Variants in CELF2 observed in about 807,000 individuals in gnomAD.
CELF2 encodes CUG triplet repeat RNA-binding protein 2.
In CELF2, 8 loss-of-function variants were observed where a neutral mutation model predicts 62.6. The observed-to-expected ratio is 0.13, with a 90% CI of 0.07 to 0.23. The LOEUF is 0.23. Among genes scored for constraint, CELF2 ranks in the 10% least tolerant of loss-of-function variants. The pLI, the probability that CELF2 is intolerant of heterozygous loss-of-function variation, is 1.00. For missense variants in CELF2, 333 were observed against 671.0 expected, an observed-to-expected ratio of 0.50 and a Z score of 5.56; for synonymous variants, 258 against 250.0, an observed-to-expected ratio of 1.03 and a Z score of -0.30.
intron 1 of CELF2, among the ~76,000 whole-genome samples, chr10:10,906,933 G>T (rs540051053): frequency 6.6e-6 from 1 of 151,712 alleles, no homozygotes; most frequent in African/African-American, 2.4e-5. Context: ...TGGCCAGGAT[G>T]GTCTCAATCT....
rs140289047 is a variant in CELF2, at chr10:11,206,931, G to T, written c.272-10494G>T. 9.6e-3 allele frequency among the ~76,000 whole-genome samples: 1,456 copies of T among 152,340 alleles called. 20 individuals are homozygous for T. The highest frequency in any genetic ancestry group is 0.024 in the Middle Eastern group (7 of 294). Reference sequence around the variant, plus strand: ...CTTTCTGATGCTCAGAGCAGGGTGGGAGAGTTCGTGAAACAGCTGAACACG... The same window carrying T: ...CTTTCTGATGCTCAGAGCAGGGTGGTAGAGTTCGTGAAACAGCTGAACACG... On this transcript the variant is annotated intron_variant, in intron 2 of 12. Coordinates refer to ENST00000633077, the MANE Select transcript of CELF2 (RefSeq NM_001326342.2).
rs117289531 is a variant in CELF2 at position 11,315,123 on chromosome 10, G to T, written c.1096+865G>T. ...TAAGTCGTGTTTTAGATTCATGCTC[G>T]GTGTGGGTTCCTGTACTGAGGAAAC... On this transcript the variant is annotated intron_variant, in intron 10 of 12. Transcript: ENST00000633077. The surrounding 1 kb of genome is among the most constrained non-coding windows in gnomAD (Gnocchi z 5.8). Among the ~76,000 whole-genome samples, 2 of 152,146 alleles carry T rather than the reference G, an allele frequency of 1.3e-5. No individual in the cohort carries two copies. Among genetic ancestry groups the T allele is most frequent in the African/African-American group, 2.4e-5 (1 of 41,426 alleles).
chr10:11,264,576 G>A (rs1423616942), intron 5 of CELF2, among the ~76,000 whole-genome samples: 1 of 152,188 alleles, frequency 6.6e-6, no homozygotes. Context: ...ATCTCTTAGT[G>A]TTATTTCCTC....
intron 3 of CELF2, among the ~76,000 whole-genome samples, chr10:11,229,003 AATT>A (rs1247871057): frequency 6.6e-6 from 1 of 152,122 alleles, no homozygotes; most frequent in Non-Finnish European, 1.5e-5. Context: ...GGCCGGATGG[AATT>A]ATAGATCACA....
At chr10:10,464,262 C>A in the CELF2 span, among the ~76,000 whole-genome samples, 1 of 152,232 alleles carries the variant, frequency 6.6e-6, no homozygotes, top group Non-Finnish European at 1.5e-5. Flanking sequence ...TTTTTAAAGT[C>A]TGTTCTTATC....
intron 1 of CELF2, among the ~76,000 whole-genome samples, chr10:11,160,032 C>G (rs2065342370): frequency 6.6e-6 from 1 of 152,208 alleles, no homozygotes; most frequent in Non-Finnish European, 1.5e-5. Flanking sequence ...GACACCTTGT[C>G]AGCTCTCCAG....
In CELF2 at chr10:11,025,207, A is replaced by ATGTGTGTG. The variant is rs372783836; in HGVS notation, c.74+7070_74+7077dup. Reference sequence around the variant, plus strand: ...AATATGTGTGGGGGTATATACATATATGTGTGTGTGTGTGTGTGTGTGTGT... The same window carrying ATGTGTGTG: ...AATATGTGTGGGGGTATATACATATATGTGTGTGTGTGTGTGTGTGTGTGTGTGTGTGT... On this transcript the variant is annotated intron_variant, in intron 1 of 12. Coordinates refer to ENST00000633077, the MANE Select transcript of CELF2 (RefSeq NM_001326342.2). Among the ~76,000 whole-genome samples the ATGTGTGTG allele has an allele frequency of 7.7e-3, 1,094 of 141,234 alleles. 14 individuals carry two copies. The highest frequency in any genetic ancestry group is 0.026 in the African/African-American group (988 of 38,220). The allele number at this position is 141,234 out of a possible 152,430, so 92.7% of individuals were successfully genotyped here.
rs887074541 is a variant in CELF2, at chr10:10,811,399, C to A, written c.53+12582C>A. 3.9e-5 allele frequency among the ~76,000 whole-genome samples: 6 copies of A among 152,118 alleles called. No individual in the cohort carries two copies. The South Asian group carries it at 6.2e-4, about 16-fold the overall frequency. On this transcript the variant is annotated intron_variant, in intron 1 of 13. Coordinates refer to the CELF2 transcript ENST00000636488. ...CATAGAGTCAGGAAGTGAAAAATTG[C>A]AAATGTGGGCAATGTGATTAGGCAA...
chr10:10,475,441 T>C, the CELF2 span, among the ~76,000 whole-genome samples: 1 of 150,716 alleles, frequency 6.6e-6, no homozygotes, highest in Non-Finnish European at 1.5e-5. Flanking sequence ...TCGCAATTAT[T>C]GGCAGAATTG....
chr10:10,813,326 A>G (rs1189824993), intron 1 of CELF2, among the ~76,000 whole-genome samples: 1 of 152,212 alleles, frequency 6.6e-6, no homozygotes, highest in Non-Finnish European at 1.5e-5. Flanking sequence ...GTTTCTGTTA[A>G]CCATGCTGTA....
chr10:11,221,105 T>C (rs1189313288), intron 3 of CELF2, among the ~76,000 whole-genome samples: 2 of 152,226 alleles, frequency 1.3e-5, no homozygotes, highest in Non-Finnish European at 2.9e-5. Flanking sequence ...TGTGAGTGTA[T>C]CTGCACAGGC....
chr10:10,726,952 C>T, the CELF2 span, among the ~76,000 whole-genome samples: 6 of 152,132 alleles, frequency 3.9e-5, no homozygotes, highest in Admixed American at 6.6e-5. Flanking sequence ...GAAGGCAAAG[C>T]CGAAGCAGGT....
At chr10:10,522,495 T>C in the CELF2 span, among the ~76,000 whole-genome samples, 1 of 152,232 alleles carries the variant, frequency 6.6e-6, no homozygotes, top group African/African-American at 2.4e-5. Flanking sequence ...TACAGGGCAC[T>C]CCAAGGTACA....
the CELF2 span, among the ~76,000 whole-genome samples, chr10:10,576,177 C>T: frequency 3.3e-5 from 5 of 152,144 alleles, no homozygotes; most frequent in Non-Finnish European, 5.9e-5. Flanking sequence ...CTCTAGGGAG[C>T]TAGAGACCAA....
At chr10:10,548,867 A>G in the CELF2 span, among the ~76,000 whole-genome samples, 12 of 152,226 alleles carry the variant, frequency 7.9e-5, no homozygotes, top group African/African-American at 2.9e-4. Flanking sequence ...CCTCTTGACC[A>G]ACCCCAATTA....
chr10:10,643,765 A>C, the CELF2 span, among the ~76,000 whole-genome samples: 1 of 152,216 alleles, frequency 6.6e-6, no homozygotes, highest in African/African-American at 2.4e-5. Flanking sequence ...CCTCAACCTG[A>C]AAGTGAACAT....
the CELF2 span, among the ~76,000 whole-genome samples, chr10:10,551,121 C>T: frequency 2.0e-5 from 3 of 152,128 alleles, no homozygotes; most frequent in Non-Finnish European, 4.4e-5. Flanking sequence ...TCTGTGAAAA[C>T]TGAAAAACAG....
intron 4 of CELF2, among the ~76,000 whole-genome samples, chr10:11,252,394 TAGAC>T (rs2077412416): frequency 1.3e-5 from 2 of 152,252 alleles, no homozygotes; most frequent in Admixed American, 6.5e-5. Context: ...TCATCACAGT[TAGAC>T]AGTTACTGTC....
chr10:11,146,401 A>G (rs1038466933), intron 1 of CELF2, among the ~76,000 whole-genome samples: 6 of 152,218 alleles, frequency 3.9e-5, no homozygotes, highest in African/African-American at 1.4e-4. Context: ...GGATAAGATA[A>G]TGTGTAAGCA....
Sources: allele counts gnomAD v4.1 joint callset (sites outside exome capture counted in the v4.1 genomes callset), GRCh38; gene constraint gnomAD v4.1.1; non-coding constraint Gnocchi (gnomAD v3.1); transcripts MANE v1.5; gene names NCBI Gene and HGNC (gene_info 2026-07-23, HGNC 2026-07-21).